The following CCDC178 variants were observed in gnomAD, a reference collection of about 807,000 sequenced individuals.
The protein encoded by CCDC178 is coiled-coil domain-containing protein 178.
Under a neutral mutation model 117.4 loss-of-function variants are expected in CCDC178, and 126 were observed. That is an observed-to-expected ratio of 1.07 (90% CI 0.93 to 1.24). The LOEUF is 1.24. CCDC178 is among the 50% of genes most tolerant of loss of function. CCDC178 has a pLI of 0.00. For missense variants in CCDC178, 1,030 were observed against 986.9 expected (o/e 1.04, Z -0.59); for synonymous variants, 283 against 313.4 (o/e 0.90, Z 1.02).
chr18:33,109,855 T>A (rs2057757896), intron 20 of CCDC178, among the ~76,000 whole-genome samples: 1 of 151,552 alleles, frequency 6.6e-6, no homozygotes, highest in Non-Finnish European at 1.5e-5. Flanking sequence ...AACAACAATT[T>A]ATGCACTCTG....
intron 21 of CCDC178, among the ~76,000 whole-genome samples, chr18:32,982,568 T>C (rs1461331430): frequency 6.6e-6 from 1 of 152,086 alleles, no homozygotes; most frequent in Non-Finnish European, 1.5e-5. Flanking sequence ...TTTTTGAAAA[T>C]ACCTTATTTA....
intron 6 of CCDC178, among the ~76,000 whole-genome samples, chr18:33,359,400 A>G (rs1036502938): frequency 5.9e-5 from 9 of 151,860 alleles, no homozygotes; most frequent in Non-Finnish European, 7.4e-5. Flanking sequence ...TACTTTAGTC[A>G]GTCTTTGATC....
chr18:33,071,483 G>T (rs993862055), intron 21 of CCDC178, among the ~76,000 whole-genome samples: 6 of 151,942 alleles, frequency 3.9e-5, no homozygotes, highest in African/African-American at 1.4e-4. Context: ...TCATCACCTG[G>T]AAAAGTATGG....
chr18:32,942,794 A>G (rs1445920619), intron 22 of CCDC178, among the ~76,000 whole-genome samples: 2 of 152,170 alleles, frequency 1.3e-5, no homozygotes, highest in African/African-American at 4.8e-5. Flanking sequence ...TGCAAAGTTA[A>G]GTAAGAGACA....
intron 21 of CCDC178, among the ~76,000 whole-genome samples, chr18:33,000,271 G>T (rs1040910500): frequency 8.6e-5 from 13 of 151,814 alleles, no homozygotes; most frequent in African/African-American, 3.1e-4. Flanking sequence ...CTTGAACACA[G>T]GTTACTTGAA....
chr18:32,989,842 T>C (rs2055350721), intron 21 of CCDC178, among the ~76,000 whole-genome samples: 1 of 152,058 alleles, frequency 6.6e-6, no homozygotes, highest in Non-Finnish European at 1.5e-5. Context: ...AAAATACATA[T>C]ATGTCAAAGT....
intron 22 of CCDC178, among the ~76,000 whole-genome samples, chr18:32,944,910 C>T (rs1335790288): frequency 6.6e-6 from 1 of 152,160 alleles, no homozygotes; most frequent in African/African-American, 2.4e-5. Context: ...TTGCCTTTTG[C>T]CTTCTGCCGT....
At chr18:33,126,997 A>AAAAAAAATATATAT (rs71266914) in intron 20 of CCDC178, among the ~76,000 whole-genome samples, 1 of 141,186 alleles carries the variant, frequency 7.1e-6, no homozygotes, top group African/African-American at 2.7e-5. Flanking sequence ...AAAAAAAAAA[A>AAAAAAAATATATAT]ATATATATAT....
At chr18:33,401,436 A>G (rs1453218268) in intron 3 of CCDC178, among the ~76,000 whole-genome samples, 1 of 152,124 alleles carries the variant, frequency 6.6e-6, no homozygotes, top group African/African-American at 2.4e-5. Context: ...ACCCTGAAAA[A>G]CATTGGTTCA....
intron 14 of CCDC178, among the ~76,000 whole-genome samples, chr18:33,253,929 T>C (rs1459635363): frequency 1.3e-5 from 2 of 151,904 alleles, no homozygotes; most frequent in East Asian, 1.9e-4. Context: ...GAGGGTAATA[T>C]ATACATACTG....
intron 6 of CCDC178, among the ~76,000 whole-genome samples, chr18:33,366,946 C>G (rs1335727179): frequency 6.6e-6 from 1 of 152,044 alleles, no homozygotes; most frequent in East Asian, 1.9e-4. Context: ...CAGTTGACAA[C>G]TTTACTGGGT....
intron 15 of CCDC178, among the ~76,000 whole-genome samples, chr18:33,240,771 C>A (rs1376924300): frequency 2.0e-5 from 3 of 151,744 alleles, no homozygotes; most frequent in Non-Finnish European, 4.4e-5. Flanking sequence ...ATTCTACTAA[C>A]CTTTAAGGCA....
At chr18:33,011,914 A>G (rs1479619850) in intron 21 of CCDC178, among the ~76,000 whole-genome samples, 1 of 150,510 alleles carries the variant, frequency 6.6e-6, no homozygotes, top group Admixed American at 6.6e-5. Flanking sequence ...GGCATATGTG[A>G]CTGAGTTTTA....
intron 20 of CCDC178, among the ~76,000 whole-genome samples, chr18:33,137,644 A>T (rs577116466): frequency 3.4e-4 from 52 of 152,308 alleles, no homozygotes; most frequent in Non-Finnish European, 6.3e-4. Flanking sequence ...CAACTAATTT[A>T]CTGGACTTCT....
In CCDC178 at chr18:33,066,282, G is replaced by A. The variant is rs184994309; in HGVS notation, c.2388+26479C>T. On this transcript the variant is annotated intron_variant, in intron 21 of 22. Coordinates refer to ENST00000383096, the MANE Select transcript of CCDC178 (RefSeq NM_001105528.4). The stretch of plus-strand genomic sequence containing the variant: ...GGGAATCCTACATCTGAAAGTAAAA[G>A]GATGATATCTACTATCAGGAAAACA... 1.2e-4 allele frequency among the ~76,000 whole-genome samples: 18 copies of A among 152,090 alleles called. No homozygotes were observed. The East Asian group carries it at 2.5e-3, about 21-fold the overall frequency.
chr18:33,195,017 T>C (rs1209132239), intron 20 of CCDC178, among the ~76,000 whole-genome samples: 3 of 148,122 alleles, frequency 2.0e-5, no homozygotes, highest in Admixed American at 6.7e-5. Context: ...CTACTATTTG[T>C]GAGGCTGAGG....
At chr18:33,136,758 A>C (rs1449184553) in intron 20 of CCDC178, among the ~76,000 whole-genome samples, 1 of 152,214 alleles carries the variant, frequency 6.6e-6, no homozygotes, top group Admixed American at 6.6e-5. Context: ...TGGTCTCAAT[A>C]ATCTTGAAGA....
chr18:33,053,129 A>C (rs1339805009), intron 21 of CCDC178, among the ~76,000 whole-genome samples: 1 of 152,228 alleles, frequency 6.6e-6, no homozygotes, highest in African/African-American at 2.4e-5. Flanking sequence ...TGACCAAAGC[A>C]GGCTGCTAGT....
intron 22 of CCDC178, among the ~76,000 whole-genome samples, 179 bp downstream of exon 22, chr18:32,974,368 A>T (rs569813959): frequency 6.6e-6 from 1 of 152,328 alleles, no homozygotes; most frequent in African/African-American, 2.4e-5. Context: ...CTCCCAAAGT[A>T]TGCATGGTAT....
Sources: gnomAD v4.1 joint callset for allele counts (sites outside exome capture counted in the v4.1 genomes callset) on GRCh38, gnomAD v4.1.1 for gene constraint, MANE v1.5 for transcripts, NCBI Gene and HGNC (gene_info 2026-07-23, HGNC 2026-07-21) for gene names.